TENM3: variants seen among roughly 807,000 people sequenced by gnomAD.
TENM3 encodes teneurin-3.
Under a neutral mutation model 255.1 loss-of-function variants are expected in TENM3, and 63 were observed. The ratio of observed to expected loss-of-function variants is 0.25; its 90% confidence interval spans 0.20 to 0.30. TENM3 has a LOEUF of 0.30. Among genes scored for constraint, TENM3 ranks in the 10% least tolerant of loss-of-function variants. The pLI, the probability that TENM3 is intolerant of heterozygous loss-of-function variation, is 1.00. For missense variants in TENM3, 2,929 were observed against 3,461.1 expected (o/e 0.85, Z 3.86); for synonymous variants, 1,306 against 1,322.3 (o/e 0.99, Z 0.27).
chr4:182,671,570 G>T (rs541658828), intron 6 of TENM3, among the ~76,000 whole-genome samples: 1 of 152,282 alleles, frequency 6.6e-6, no homozygotes, highest in Admixed American at 6.5e-5. Flanking sequence ...CAGTTTGTGG[G>T]TGTTGTCTCC....
At chr4:182,606,905 G>A (rs1218273737) in intron 4 of TENM3, among the ~76,000 whole-genome samples, 1 of 152,142 alleles carries the variant, frequency 6.6e-6, no homozygotes, top group African/African-American at 2.4e-5. Context: ...ATTAAAACCT[G>A]GTGGATATAG....
At chr4:182,259,369 G>A (rs1458877502) in intron 1 of TENM3, among the ~76,000 whole-genome samples, 2 of 152,164 alleles carry the variant, frequency 1.3e-5, no homozygotes, top group Non-Finnish European at 2.9e-5. Flanking sequence ...CTGGAGTGTA[G>A]TGGTGCAAAC....
chr4:181,886,200 G>A, the TENM3 span, among the ~76,000 whole-genome samples: 3 of 152,000 alleles, frequency 2.0e-5, no homozygotes, highest in East Asian at 3.9e-4. Context: ...CTACAGGCGC[G>A]TGCCACCACA....
intron 3 of TENM3, among the ~76,000 whole-genome samples, chr4:182,516,890 CA>C (rs71605070): frequency 0.039 from 4,936 of 128,064 alleles, 75 homozygotes; most frequent in Middle Eastern, 0.078. Context: ...GACCCAGTCT[CA>C]AAAAAAAAAA....
the TENM3 span, among the ~76,000 whole-genome samples, chr4:181,884,139 G>A: frequency 1.1e-4 from 17 of 152,168 alleles, no homozygotes; most frequent in Admixed American, 3.3e-4. Context: ...GCAATTGGAC[G>A]TCACATGAAA....
At chr4:181,641,185 CT>C in the TENM3 span, among the ~76,000 whole-genome samples, 18 of 151,946 alleles carry the variant, frequency 1.2e-4, no homozygotes, top group South Asian at 4.2e-4. Flanking sequence ...AAGAGTGTTA[CT>C]TTTTTTATTA....
chr4:182,141,376 T>G (rs1287590099), upstream of TENM3: 1 of 152,246 alleles, frequency 6.6e-6, no homozygotes, highest in Non-Finnish European at 1.5e-5. Context: ...GATGGTCACG[T>G]AGCGAGCTGC....
At chr4:181,537,507 T>G in the TENM3 span, among the ~76,000 whole-genome samples, 1 of 152,196 alleles carries the variant, frequency 6.6e-6, no homozygotes, top group East Asian at 1.9e-4. Context: ...AATTAAAAGA[T>G]CTTATAATTG....
chr4:181,697,862 C>T, the TENM3 span, among the ~76,000 whole-genome samples: 5 of 152,112 alleles, frequency 3.3e-5, no homozygotes, highest in Middle Eastern at 3.4e-3. Context: ...TGCAAACCAC[C>T]GTTAGGTATG....
the TENM3 span, among the ~76,000 whole-genome samples, chr4:181,840,720 G>C: frequency 6.6e-6 from 1 of 152,062 alleles, no homozygotes; most frequent in Non-Finnish European, 1.5e-5. Flanking sequence ...CAGGTTCATG[G>C]ACAGGAAAGG....
chr4:182,638,689 C>T (rs1355954517), intron 5 of TENM3, among the ~76,000 whole-genome samples: 1 of 152,174 alleles, frequency 6.6e-6, no homozygotes, highest in Non-Finnish European at 1.5e-5. Flanking sequence ...GGAATTAATG[C>T]TCCTCTTCTG....
At chr4:181,839,025 T>A in the TENM3 span, among the ~76,000 whole-genome samples, 1 of 151,848 alleles carries the variant, frequency 6.6e-6, no homozygotes, top group East Asian at 1.9e-4. Flanking sequence ...ATTTTTCAAC[T>A]GCATTCTACA....
At chr4:181,901,175 C>A in the TENM3 span, among the ~76,000 whole-genome samples, 3 of 152,082 alleles carry the variant, frequency 2.0e-5, no homozygotes, top group African/African-American at 7.2e-5. Context: ...TATATTCTAC[C>A]TCTGTACCAA....
At chr4:182,739,825 C>G (rs149504844) in intron 18 of TENM3, among the ~76,000 whole-genome samples, 1,995 of 152,270 alleles carry the variant, frequency 0.013, 44 homozygotes, top group African/African-American at 0.045. Context: ...CACTTGACGT[C>G]AGGAGTTTGA....
intron 14 of TENM3, among the ~76,000 whole-genome samples, chr4:182,729,510 C>CT (rs35672153): frequency 7.4e-4 from 107 of 145,534 alleles, no homozygotes; most frequent in Non-Finnish European, 7.3e-4. Context: ...CAGAAGTGCA[C>CT]TTTTTTTTTT....
chr4:181,568,087 T>C, the TENM3 span, among the ~76,000 whole-genome samples: 3 of 152,138 alleles, frequency 2.0e-5, no homozygotes, highest in Non-Finnish European at 4.4e-5. Context: ...TTCTCATCCT[T>C]TTTTACAGTT....
intron 1 of TENM3, chr4:182,145,275 T>G (rs1749874061): frequency 6.7e-6 from 1 of 150,208 alleles, no homozygotes; most frequent in Non-Finnish European, 1.5e-5. Flanking sequence ...TGAAAAGGAG[T>G]GAAGGAGGGA....
chr4:182,063,887 C>T, the TENM3 span, among the ~76,000 whole-genome samples: 1 of 152,052 alleles, frequency 6.6e-6, no homozygotes, highest in Non-Finnish European at 1.5e-5. Flanking sequence ...GAATATTAGT[C>T]ACAGAAAAGC....
intron 13 of TENM3, among the ~76,000 whole-genome samples, chr4:182,717,076 T>A (rs1759256772): frequency 6.6e-6 from 1 of 151,982 alleles, no homozygotes; most frequent in African/African-American, 2.4e-5. Flanking sequence ...TATCAAAAAA[T>A]TTTAAAAGAG....
Sources: allele counts gnomAD v4.1 joint callset (sites outside exome capture counted in the v4.1 genomes callset), GRCh38; gene constraint gnomAD v4.1.1; transcripts MANE v1.5; gene names NCBI Gene and HGNC (gene_info 2026-07-23, HGNC 2026-07-21).